DLGAP2: variants seen among roughly 807,000 people sequenced by gnomAD.
DLGAP2 encodes disks large-associated protein 2.
Under a neutral mutation model 100.3 loss-of-function variants are expected in DLGAP2, and 26 were observed. The observed-to-expected ratio is 0.26, with a 90% CI of 0.19 to 0.36. The LOEUF (loss-of-function observed/expected upper bound fraction) is 0.36, where lower values mean the gene tolerates loss of function less well. Among genes scored for constraint, DLGAP2 ranks in the 10% least tolerant of loss-of-function variants. The pLI is 1.00. For synonymous variants in DLGAP2, 886 were observed against 630.1 expected (o/e 1.41, Z -6.08); for missense variants, 1,858 against 1,453.2 (o/e 1.28, Z -4.53).
Position 1,075,009 on chromosome 8 carries a change from CA to C in DLGAP2, c.73+167044del, listed in dbSNP as rs775533830. On this transcript the variant is annotated intron_variant, in intron 2 of 14. Coordinates refer to ENST00000637795, the MANE Select transcript of DLGAP2 (RefSeq NM_001346810.2). The stretch of plus-strand genomic sequence containing the variant: ...ATGTCTCACCAACAAACAGTGCAGC[CA>C]GGGGTGGAGTGGGGGATGGCGACTA... Among the ~76,000 whole-genome samples, 111 of 150,782 alleles carry C rather than the reference CA, an allele frequency of 7.4e-4. 1 individual carries two copies. The highest frequency in any genetic ancestry group is 4.3e-4 in the Non-Finnish European group (29 of 67,888).
intron 4 of DLGAP2, among the ~76,000 whole-genome samples, chr8:1,539,926 C>G (rs1190094630): frequency 6.6e-6 from 1 of 152,174 alleles, no homozygotes; most frequent in Non-Finnish European, 1.5e-5. Flanking sequence ...GAGACCCCCT[C>G]AAGCATCAGT....
At chr8:1,249,038 G>A (rs184710713) in intron 2 of DLGAP2, among the ~76,000 whole-genome samples, 1 of 152,198 alleles carries the variant, frequency 6.6e-6, no homozygotes, top group Non-Finnish European at 1.5e-5. Context: ...TTATGCTGCT[G>A]TGACATTGAA....
chr8:1,156,744 G>C (rs1156452879), intron 2 of DLGAP2, among the ~76,000 whole-genome samples: 1 of 152,214 alleles, frequency 6.6e-6, no homozygotes, highest in East Asian at 1.9e-4. Context: ...CAGCACCCCC[G>C]TTTGGTGCCC....
At chr8:1,696,835 C>G (rs573713113) in intron 13 of DLGAP2, among the ~76,000 whole-genome samples, 11 of 152,328 alleles carry the variant, frequency 7.2e-5, no homozygotes, top group African/African-American at 1.4e-4. Context: ...CACAGGTGAC[C>G]AAAAACACAG....
At chr8:1,143,765 C>A (rs1217974644) in intron 2 of DLGAP2, among the ~76,000 whole-genome samples, 1 of 152,242 alleles carries the variant, frequency 6.6e-6, no homozygotes, top group Non-Finnish European at 1.5e-5. Context: ...ACCTCCCCAA[C>A]AGTCACCAGC....
chr8:1,492,192 G>T (rs1186029343), intron 3 of DLGAP2, among the ~76,000 whole-genome samples: 2 of 152,166 alleles, frequency 1.3e-5, no homozygotes, highest in Non-Finnish European at 2.9e-5. Flanking sequence ...CATTTCTATG[G>T]TTTTCAAAGA....
chr8:922,127 C>G (rs1174839032), intron 2 of DLGAP2, among the ~76,000 whole-genome samples: 1 of 152,198 alleles, frequency 6.6e-6, no homozygotes, highest in African/African-American at 2.4e-5. Flanking sequence ...ACGATCTGTC[C>G]TTGTTTTCAG....
chr8:1,514,580 G>C (rs912908627), intron 4 of DLGAP2, among the ~76,000 whole-genome samples: 2 of 152,196 alleles, frequency 1.3e-5, no homozygotes, highest in African/African-American at 4.8e-5. Context: ...CCATTTATGG[G>C]TGTTTCTCAC....
chr8:1,203,045 C>A (rs187945221), intron 2 of DLGAP2, among the ~76,000 whole-genome samples: 60 of 152,294 alleles, frequency 3.9e-4, no homozygotes, highest in Non-Finnish European at 7.4e-5. Flanking sequence ...ACATCCACGC[C>A]GGTTCCGTAA....
In DLGAP2 at chr8:1,341,801, T is replaced by C. The variant is rs189694229; in HGVS notation, c.106+82918T>C. Among the ~76,000 whole-genome samples the C allele has an allele frequency of 2.0e-5, 3 of 152,304 alleles. No homozygotes were observed. In the East Asian group the frequency reaches 5.8e-4, roughly 29 times the overall value. On this transcript the variant is annotated intron_variant, in intron 3 of 14. Coordinates refer to ENST00000637795, the MANE Select transcript of DLGAP2 (RefSeq NM_001346810.2). ...GTAGGAATGCTGTCCGCAGGGTCCCTCCATCTGCAGGCCCTGGCACATTGC... is the reference window on the plus strand; with the variant it reads ...GTAGGAATGCTGTCCGCAGGGTCCCCCCATCTGCAGGCCCTGGCACATTGC...
chr8:1,430,741 A>G (rs1053822330), intron 3 of DLGAP2, among the ~76,000 whole-genome samples: 1 of 152,226 alleles, frequency 6.6e-6, no homozygotes, highest in African/African-American at 2.4e-5. Context: ...ACTCAGAAAT[A>G]TCTTCAACCT....
intron 2 of DLGAP2, among the ~76,000 whole-genome samples, chr8:1,098,715 C>A (rs1804479180): frequency 7.7e-6 from 1 of 130,366 alleles, no homozygotes; most frequent in East Asian, 2.2e-4. Context: ...GGCTCCCGGC[C>A]GCCCACGGGC....
intron 2 of DLGAP2, among the ~76,000 whole-genome samples, chr8:1,066,754 C>T (rs567504648): frequency 5.3e-5 from 8 of 152,362 alleles, no homozygotes; most frequent in Admixed American, 3.3e-4. Context: ...GGCCTCCACA[C>T]GCGGCACCTC....
intron 6 of DLGAP2, among the ~76,000 whole-genome samples, chr8:1,579,794 G>A (rs554662938): frequency 3.9e-5 from 6 of 152,300 alleles, no homozygotes; most frequent in Non-Finnish European, 8.8e-5. Context: ...ATATCGTTGC[G>A]TGACACGGTA....
intron 2 of DLGAP2, among the ~76,000 whole-genome samples, chr8:920,506 A>G (rs1798691813): frequency 6.6e-6 from 1 of 152,222 alleles, no homozygotes. Flanking sequence ...CTGTAATCCC[A>G]GCACTTTGGC....
chr8:1,655,947 C>T (rs1283668018), intron 8 of DLGAP2, among the ~76,000 whole-genome samples: 2 of 152,202 alleles, frequency 1.3e-5, no homozygotes, highest in South Asian at 2.1e-4. Flanking sequence ...AGCTGCTGGC[C>T]GCACCTGACC....
chr8:1,222,767 G>A (rs1181001063), intron 2 of DLGAP2, among the ~76,000 whole-genome samples: 4 of 152,118 alleles, frequency 2.6e-5, no homozygotes. Flanking sequence ...GGCTGGGGCT[G>A]TGGCCACTGA....
intron 4 of DLGAP2, among the ~76,000 whole-genome samples, chr8:1,510,514 C>G (rs962778410): frequency 1.3e-5 from 2 of 152,212 alleles, no homozygotes; most frequent in Non-Finnish European, 2.9e-5. Flanking sequence ...GGGTTGAACA[C>G]GACGAAGGAG....
chr8:1,228,453 T>A (rs1798467459), intron 2 of DLGAP2, among the ~76,000 whole-genome samples: 1 of 152,208 alleles, frequency 6.6e-6, no homozygotes, highest in Non-Finnish European at 1.5e-5. Flanking sequence ...CCCCAACTCA[T>A]TCTGTGAAGC....
Sources: gnomAD v4.1 joint callset for allele counts (sites outside exome capture counted in the v4.1 genomes callset) on GRCh38, gnomAD v4.1.1 for gene constraint, MANE v1.5 for transcripts, NCBI Gene and HGNC (gene_info 2026-07-23, HGNC 2026-07-21) for gene names.